Variants in FBXO42 observed in about 807,000 individuals in gnomAD.
The protein encoded by FBXO42 is F-box protein 42, also known as F-box only protein 42.
FBXO42 carries 12 observed loss-of-function variants against 71.7 expected under a neutral mutation model. The observed-to-expected ratio is 0.17, with a 90% CI of 0.11 to 0.27. The LOEUF is 0.27. FBXO42 is among the 10% of genes least tolerant of loss of function. The probability of loss-of-function intolerance (pLI) is 1.00; values close to 1 mark genes in which losing one functional copy is unlikely to be tolerated. For missense variants in FBXO42, 707 were observed against 911.9 expected, an observed-to-expected ratio of 0.78 and a Z score of 2.89; for synonymous variants, 325 against 327.5, an observed-to-expected ratio of 0.99 and a Z score of 0.08.
chr1:16,346,622 A>G (rs2082656330), intron 1 of FBXO42, among the ~76,000 whole-genome samples: 1 of 148,950 alleles, frequency 6.7e-6, no homozygotes, highest in Non-Finnish European at 1.5e-5. Context: ...CGGGAAGCAG[A>G]GCTTGCAGTG....
At chr1:16,296,771 C>G (rs994125084) in intron 3 of FBXO42, among the ~76,000 whole-genome samples, 2 of 151,856 alleles carry the variant, frequency 1.3e-5, no homozygotes, top group African/African-American at 4.8e-5. Flanking sequence ...TTTAGCACAC[C>G]AATATTTTTA....
intron 4 of FBXO42, among the ~76,000 whole-genome samples, chr1:16,288,443 T>TAAA: frequency 6.8e-6 from 1 of 147,304 alleles, no homozygotes. Context: ...AAAATAAAAA[T>TAAA]AAAAATAAAA....
chr1:16,334,398 G>A (rs1252433335), intron 1 of FBXO42, among the ~76,000 whole-genome samples: 8 of 125,076 alleles, frequency 6.4e-5, no homozygotes, highest in South Asian at 2.4e-4. Context: ...GAGCCTGGGC[G>A]ACAGAGTGAG....
At chr1:16,312,205 T>TA (rs1304355545) in intron 2 of FBXO42, among the ~76,000 whole-genome samples, 1 of 151,938 alleles carries the variant, frequency 6.6e-6, no homozygotes, top group African/African-American at 2.4e-5. Flanking sequence ...AACATTTTTT[T>TA]AAAAAAATTA....
intron 3 of FBXO42, 146 bp downstream of exon 3, chr1:16,305,657 T>C (rs373832699): frequency 1.5e-5 from 10 of 682,174 alleles, no homozygotes; most frequent in African/African-American, 1.4e-4. Context: ...GAGGCTGTAG[T>C]AAGCTGTGAT....
chr1:16,274,976 A>C (rs1274803511), intron 4 of FBXO42, among the ~76,000 whole-genome samples: 1 of 152,216 alleles, frequency 6.6e-6, no homozygotes, highest in Non-Finnish European at 1.5e-5. Context: ...AACCATGTTC[A>C]TACTGGTGTC....
At chr1:16,294,357 T>C (rs1254761692) in intron 4 of FBXO42, 1 of 167,030 alleles carries the variant, frequency 6.0e-6, no homozygotes, top group Non-Finnish European at 1.3e-5. Context: ...CAGAGGCACG[T>C]CCCATACACT....
intron 4 of FBXO42, among the ~76,000 whole-genome samples, chr1:16,264,225 G>C (rs750189650): frequency 6.6e-6 from 1 of 152,128 alleles, no homozygotes; most frequent in Non-Finnish European, 1.5e-5. Flanking sequence ...ATAGCACATA[G>C]GTTTAATACA....
chr1:16,292,926 C>G (rs953109939), intron 4 of FBXO42: 11 of 152,210 alleles, frequency 7.2e-5, no homozygotes, highest in African/African-American at 2.7e-4. Flanking sequence ...CTGCAGTAAG[C>G]TGTGACTGTG....
chr1:16,282,587 A>C (rs2081976639), intron 4 of FBXO42, among the ~76,000 whole-genome samples: 1 of 152,002 alleles, frequency 6.6e-6, no homozygotes, highest in Non-Finnish European at 1.5e-5. Flanking sequence ...GCTCATGCCT[A>C]AAATCCTAGC....
At chr1:16,266,992 C>A (rs370479050) in intron 4 of FBXO42, among the ~76,000 whole-genome samples, 2 of 152,028 alleles carry the variant, frequency 1.3e-5, no homozygotes, top group East Asian at 1.9e-4. Context: ...GTAAGGGCAA[C>A]AACAAAAGCA....
chr1:16,324,394 C>A (rs1413349765), intron 1 of FBXO42, among the ~76,000 whole-genome samples: 1 of 152,050 alleles, frequency 6.6e-6, no homozygotes, highest in Non-Finnish European at 1.5e-5. Context: ...TTAATAATAC[C>A]AACACAGAAC....
chr1:16,338,355 A>G (rs1311158568), intron 1 of FBXO42, among the ~76,000 whole-genome samples: 1 of 5,622 alleles, frequency 1.8e-4, no homozygotes, highest in Non-Finnish European at 7.5e-4. Flanking sequence ...CCCTATCTCC[A>G]AAAAAAAAAA....
intron 4 of FBXO42, among the ~76,000 whole-genome samples, chr1:16,270,751 T>TACACACACACACACACAC: frequency 9.0e-6 from 1 of 111,008 alleles, no homozygotes; most frequent in African/African-American, 3.5e-5. Context: ...TACCATGAGA[T>TACACACACACACACACAC]ACACACACAC....
intron 3 of FBXO42, among the ~76,000 whole-genome samples, chr1:16,303,278 C>T (rs2082215551): frequency 6.6e-6 from 1 of 152,150 alleles, no homozygotes; most frequent in Admixed American, 6.6e-5. Context: ...AGGCTAGTTG[C>T]ATGTTTCAGA....
intron 2 of FBXO42, among the ~76,000 whole-genome samples, chr1:16,311,546 T>TA (rs1187926186): frequency 8.0e-6 from 1 of 124,628 alleles, no homozygotes; most frequent in Non-Finnish European, 1.7e-5. Flanking sequence ...ATATATAAAA[T>TA]AAAAAATGGG....
chr1:16,319,115 G>A (rs2082393080), intron 1 of FBXO42, among the ~76,000 whole-genome samples: 2 of 152,184 alleles, frequency 1.3e-5, no homozygotes, highest in Admixed American at 6.6e-5. Context: ...GGAAGAATAA[G>A]AAGGGTCTTC....
chr1:16,271,182 T>C (rs2100474235), intron 4 of FBXO42, among the ~76,000 whole-genome samples: 1 of 151,478 alleles, frequency 6.6e-6, no homozygotes, highest in East Asian at 1.9e-4. Flanking sequence ...GTCAGAGAGA[T>C]GAGGGGACAG....
intron 3 of FBXO42, among the ~76,000 whole-genome samples, chr1:16,301,023 C>G (rs752565685): frequency 6.6e-6 from 1 of 151,556 alleles, no homozygotes; most frequent in Non-Finnish European, 1.5e-5. Context: ...CTCAGCCTCC[C>G]GAGTAGCTGG....
Sources: gnomAD v4.1 joint callset for allele counts (sites outside exome capture counted in the v4.1 genomes callset) on GRCh38, gnomAD v4.1.1 for gene constraint, MANE v1.5 for transcripts, NCBI Gene and HGNC (gene_info 2026-07-23, HGNC 2026-07-21) for gene names.